Variants in PTPRD observed in about 807,000 individuals in gnomAD.
The protein encoded by PTPRD is protein tyrosine phosphatase receptor type D.
PTPRD carries 34 observed loss-of-function variants against 214.5 expected under a neutral mutation model. The ratio of observed to expected loss-of-function variants is 0.16; its 90% CI spans 0.12 to 0.21. PTPRD has a LOEUF of 0.21. PTPRD is among the 10% of genes least tolerant of loss of function. The pLI is 1.00. For synonymous variants in PTPRD, 1,128 were observed against 845.7 expected (o/e 1.33, Z -5.79); for missense variants, 2,545 against 2,398.7 (o/e 1.06, Z -1.27).
At chr9:10,142,166 A>G (rs2098990438) in intron 3 of PTPRD, among the ~76,000 whole-genome samples, 1 of 152,102 alleles carries the variant, frequency 6.6e-6, no homozygotes, top group Non-Finnish European at 1.5e-5. Flanking sequence ...AAAACCATAA[A>G]AACCCTAGAA....
chr9:10,606,412 T>A (rs1220866076), intron 2 of PTPRD, among the ~76,000 whole-genome samples: 5 of 151,746 alleles, frequency 3.3e-5, no homozygotes, highest in Non-Finnish European at 5.9e-5. Context: ...TGGGAAAAAA[T>A]CCCAAGGATG....
At chr9:9,085,518 C>G (rs755882756) in intron 10 of PTPRD, among the ~76,000 whole-genome samples, 1 of 152,072 alleles carries the variant, frequency 6.6e-6, no homozygotes, top group Admixed American at 6.6e-5. Flanking sequence ...GAATAAGATC[C>G]ATTTCCAAAC....
intron 9 of PTPRD, among the ~76,000 whole-genome samples, chr9:9,362,761 T>C (rs569561527): frequency 2.6e-5 from 4 of 151,422 alleles, no homozygotes; most frequent in East Asian, 1.9e-4. Flanking sequence ...ATTTCCTTGA[T>C]AGAATAGCAA....
intron 3 of PTPRD, among the ~76,000 whole-genome samples, chr9:10,221,589 A>C (rs552739165): frequency 6.6e-6 from 1 of 152,152 alleles, no homozygotes; most frequent in East Asian, 1.9e-4. Context: ...TATTTTTATG[A>C]ATACATTAAA....
chr9:8,418,125 C>T (rs1163256560), intron 35 of PTPRD, among the ~76,000 whole-genome samples: 1 of 152,224 alleles, frequency 6.6e-6, no homozygotes, highest in Non-Finnish European at 1.5e-5. Flanking sequence ...TAAATTCCAG[C>T]CTTTGGCTCT....
intron 43 of PTPRD, 106 bp from the exon 44 acceptor site, chr9:8,331,842 G>T (rs1841517809): frequency 7.3e-7 from 1 of 1,377,136 alleles, no homozygotes; most frequent in Non-Finnish European, 9.6e-7. Context: ...AAAACAAAAA[G>T]GGTAGAAAAA....
At chr9:8,847,950 C>T (rs72704324) in intron 11 of PTPRD, among the ~76,000 whole-genome samples, 18,749 of 152,088 alleles carry the variant, frequency 0.12, 1,473 homozygotes, top group Middle Eastern at 0.19. Context: ...GGTGACTGCT[C>T]TTCAGATATC....
chr9:9,038,692 T>C (rs2099629879), intron 10 of PTPRD, among the ~76,000 whole-genome samples: 1 of 151,630 alleles, frequency 6.6e-6, no homozygotes, highest in Non-Finnish European at 1.5e-5. Context: ...GTAGCTGGGA[T>C]TACAGATGCC....
At chr9:8,492,686 A>AT (rs533477651) in intron 27 of PTPRD, among the ~76,000 whole-genome samples, 176 bp downstream of exon 27, 1 of 142,780 alleles carries the variant, frequency 7.0e-6, no homozygotes. Flanking sequence ...CACTTGGACT[A>AT]TTTTTTTCCC....
chr9:9,743,181 A>C (rs1204570260), intron 6 of PTPRD, among the ~76,000 whole-genome samples: 1 of 152,186 alleles, frequency 6.6e-6, no homozygotes, highest in African/African-American at 2.4e-5. Flanking sequence ...ATGAATGATA[A>C]AAATGCATTC....
chr9:10,134,495 T>C (rs995584797), intron 3 of PTPRD, among the ~76,000 whole-genome samples: 7 of 152,166 alleles, frequency 4.6e-5, no homozygotes, highest in African/African-American at 1.7e-4. Context: ...CCATTGTTCT[T>C]AAGTGCTGCC....
intron 3 of PTPRD, among the ~76,000 whole-genome samples, chr9:10,251,940 T>A (rs2092810135): frequency 6.6e-6 from 1 of 152,142 alleles, no homozygotes; most frequent in Non-Finnish European, 1.5e-5. Context: ...TAATTAATAA[T>A]AATGTATTGT....
At position 8,380,509 on chromosome 9, in the gene PTPRD, T is replaced by C. The variant is rs528961377; in HGVS notation, c.4387-3783A>G. Among the ~76,000 whole-genome samples the C allele has an allele frequency of 3.9e-5, 6 of 152,298 alleles. No individual in the cohort carries two copies. In the East Asian group the frequency reaches 9.7e-4, roughly 25 times the overall value. Reference sequence around the variant, plus strand: ...TTTTTGGCTAAATTTGCGGGAGGCATTTCTTTTCATTATCACAAAGTTATT... The same window carrying C: ...TTTTTGGCTAAATTTGCGGGAGGCACTTCTTTTCATTATCACAAAGTTATT... On this transcript the variant is annotated intron_variant, in intron 37 of 45. Transcript: ENST00000381196.
chr9:9,038,162 C>T (rs903986986), intron 10 of PTPRD, among the ~76,000 whole-genome samples: 1 of 151,956 alleles, frequency 6.6e-6, no homozygotes, highest in Admixed American at 6.6e-5. Context: ...TCCAAATAGT[C>T]ACACAATGTA....
At chr9:9,271,254 A>T (rs1056374378) in intron 9 of PTPRD, among the ~76,000 whole-genome samples, 1 of 150,996 alleles carries the variant, frequency 6.6e-6, no homozygotes, top group Non-Finnish European at 1.5e-5. Flanking sequence ...CATTGAGAGT[A>T]TTTTTTTCCT....
intron 2 of PTPRD, among the ~76,000 whole-genome samples, chr9:10,413,544 T>C (rs762164581): frequency 3.3e-5 from 5 of 152,020 alleles, no homozygotes; most frequent in Non-Finnish European, 5.9e-5. Context: ...CAAAGCAATT[T>C]ACAGATTCAA....
At chr9:9,045,314 T>G (rs995302812) in intron 10 of PTPRD, among the ~76,000 whole-genome samples, 1 of 152,188 alleles carries the variant, frequency 6.6e-6, no homozygotes, top group African/African-American at 2.4e-5. Context: ...TTCTTATGGA[T>G]GAACCATTTC....
intron 2 of PTPRD, among the ~76,000 whole-genome samples, chr9:10,527,225 T>G (rs771052380): frequency 1.4e-4 from 22 of 152,176 alleles, no homozygotes; most frequent in Non-Finnish European, 2.2e-4. Flanking sequence ...CAGATAAATA[T>G]GCTCGCAAGT....
chr9:8,834,654 C>T (rs1043077726), intron 11 of PTPRD, among the ~76,000 whole-genome samples: 7 of 152,134 alleles, frequency 4.6e-5, no homozygotes, highest in African/African-American at 1.7e-4. Flanking sequence ...TAGGTAGGTA[C>T]TCATATTGTT....
Sources: gnomAD v4.1 joint callset for allele counts (sites outside exome capture counted in the v4.1 genomes callset) on GRCh38, gnomAD v4.1.1 for gene constraint, MANE v1.5 for transcripts, NCBI Gene and HGNC (gene_info 2026-07-23, HGNC 2026-07-21) for gene names.